Variants in EPB41L4A observed in about 807,000 individuals in gnomAD.
The protein encoded by EPB41L4A is erythrocyte membrane protein band 4.1 like 4A, also known as band 4.1-like protein 4A.
Under a neutral mutation model 108.6 loss-of-function variants are expected in EPB41L4A, and 100 were observed. The observed-to-expected ratio is 0.92, with a 90% CI of 0.78 to 1.09. The LOEUF is 1.09. Among genes scored for constraint, EPB41L4A ranks in the 50% least tolerant of loss-of-function variants. The pLI is 0.00. For missense variants in EPB41L4A, 1,030 were observed against 842.7 expected, an observed-to-expected ratio of 1.22 and a Z score of -2.75; for synonymous variants, 319 against 289.0, an observed-to-expected ratio of 1.10 and a Z score of -1.05.
intron 12 of EPB41L4A, among the ~76,000 whole-genome samples, chr5:112,219,577 C>T (rs71579180): frequency 0.055 from 8,321 of 152,138 alleles, 275 homozygotes; most frequent in Middle Eastern, 0.085. Context: ...CTTCCCATGA[C>T]CATAAAGCTC....
Position 112,288,317 on chromosome 5 carries a change from AAAAACTT to A in EPB41L4A, c.205-8001_205-7995del, listed in dbSNP as rs1178358690. 2.6e-5 allele frequency among the ~76,000 whole-genome samples: 4 copies of A among 152,328 alleles called. No individual in the cohort carries two copies. The East Asian group carries it at 5.8e-4, about 22-fold the overall frequency. On this transcript the variant is annotated intron_variant, in intron 2 of 22. Transcript: ENST00000261486. ...AAAGGTTGATTCATTAGAAATCCAC[AAAAACTT>A]TTAGAAGAATTATACCAGCTTGGGC...
intron 1 of EPB41L4A, among the ~76,000 whole-genome samples, chr5:112,396,996 C>A (rs1243557595): frequency 6.6e-6 from 1 of 152,082 alleles, no homozygotes; most frequent in East Asian, 1.9e-4. Flanking sequence ...GGGTATATTG[C>A]ATACCCATGG....
At chr5:112,335,350 CA>C (rs1324379713) in intron 1 of EPB41L4A, among the ~76,000 whole-genome samples, 3 of 152,048 alleles carry the variant, frequency 2.0e-5, no homozygotes, top group African/African-American at 7.2e-5. Flanking sequence ...ATCGATTTAA[CA>C]GAAAAAAAGT....
At chr5:112,290,933 A>T (rs1753600948) in intron 2 of EPB41L4A, among the ~76,000 whole-genome samples, 1 of 152,140 alleles carries the variant, frequency 6.6e-6, no homozygotes, top group South Asian at 2.1e-4. Context: ...TGCACACTGC[A>T]GCCTTGCCCC....
chr5:112,322,739 C>A (rs967224781), intron 1 of EPB41L4A, among the ~76,000 whole-genome samples: 1 of 151,434 alleles, frequency 6.6e-6, no homozygotes, highest in African/African-American at 2.4e-5. Flanking sequence ...CACACACACA[C>A]CCCACACACA....
intron 12 of EPB41L4A, among the ~76,000 whole-genome samples, chr5:112,233,403 G>A (rs1749098547): frequency 6.6e-6 from 1 of 152,184 alleles, no homozygotes; most frequent in Non-Finnish European, 1.5e-5. Flanking sequence ...AACTTTGTAT[G>A]TGTCTACACA....
chr5:112,203,043 C>T (rs1762292079), intron 15 of EPB41L4A, among the ~76,000 whole-genome samples: 1 of 151,662 alleles, frequency 6.6e-6, no homozygotes, highest in African/African-American at 2.4e-5. Context: ...CCCATCTCTA[C>T]TTTAATTTAT....
intron 10 of EPB41L4A, 111 bp downstream of exon 10, chr5:112,240,604 AAATT>A (rs1321855901): frequency 1.6e-6 from 1 of 607,648 alleles, no homozygotes; most frequent in East Asian, 3.1e-5. Context: ...GGAATTGAGA[AAATT>A]AATAAAAGGG....
intron 2 of EPB41L4A, among the ~76,000 whole-genome samples, chr5:112,303,346 A>G (rs1311375925): frequency 6.6e-6 from 1 of 152,176 alleles, no homozygotes; most frequent in African/African-American, 2.4e-5. Flanking sequence ...GGGGCAGGGA[A>G]GAGAATACAA....
chr5:112,294,263 A>G (rs1210931922), intron 2 of EPB41L4A, among the ~76,000 whole-genome samples: 1 of 152,138 alleles, frequency 6.6e-6, no homozygotes, highest in African/African-American at 2.4e-5. Context: ...CTTTCATAAG[A>G]GAAGGAGGGA....
chr5:112,206,052 G>A (rs1762456938), intron 13 of EPB41L4A: 1 of 152,980 alleles, frequency 6.5e-6, no homozygotes. Flanking sequence ...TCCTGACCTA[G>A]TATCATCTTT....
At chr5:112,283,421 A>G (rs1189180035) in intron 2 of EPB41L4A, among the ~76,000 whole-genome samples, 2 of 152,232 alleles carry the variant, frequency 1.3e-5, no homozygotes, top group African/African-American at 4.8e-5. Context: ...TTGGAACCAA[A>G]GCAGCCATGC....
At position 112,380,783 on chromosome 5, in the gene EPB41L4A, T is replaced by TCACA. The variant is rs1369682818; in HGVS notation, c.99+38154_99+38157dup. 2.5e-3 allele frequency among the ~76,000 whole-genome samples: 302 copies of TCACA among 120,170 alleles called. 3 individuals are homozygous for TCACA. Among genetic ancestry groups the TCACA allele is most frequent in the East Asian group, 0.012 (56 of 4,568 alleles). The allele number at this position is 120,170 out of a possible 152,430, so 78.8% of individuals were successfully genotyped here. On this transcript the variant is annotated intron_variant, in intron 1 of 22. Transcript: ENST00000261486. The stretch of plus-strand genomic sequence containing the variant: ...AAAAGAGAAACCCATCCTCTGCACA[T>TCACA]CACACACATACACACACACACACAC...
rs57067926 is a variant in EPB41L4A at position 112,288,273 on chromosome 5, T to C, written c.205-7950A>G. Among the ~76,000 whole-genome samples, 1,516 of 152,296 alleles carry C rather than the reference T, an allele frequency of 1.0e-2. 30 individuals carry two copies. The highest frequency in any genetic ancestry group is 0.034 in the African/African-American group (1,424 of 41,560). On this transcript the variant is annotated intron_variant, in intron 2 of 22. Transcript: ENST00000261486. ...CCAGAGCAATCTGTGGGTGCTGCCT[T>C]TGTCTAATAAAGTTAATTAAAGGTT...
rs369267811 is a variant in EPB41L4A, at chr5:112,299,599, G to A, written c.204+7787C>T. Among the ~76,000 whole-genome samples, 3 of 152,318 alleles carry A rather than the reference G, an allele frequency of 2.0e-5. No homozygotes were observed. The East Asian group carries it at 5.8e-4, about 29-fold the overall frequency. ...GCAGGTAGATCACCTGAGTTCAGGAGTTTGAGACCAGCCTGGCCAACATGG... is the reference window on the plus strand; with the variant it reads ...GCAGGTAGATCACCTGAGTTCAGGAATTTGAGACCAGCCTGGCCAACATGG... On this transcript the variant is annotated intron_variant, in intron 2 of 22. Transcript: ENST00000261486.
chr5:112,240,529 T>C (rs1241708703), intron 10 of EPB41L4A, among the ~76,000 whole-genome samples, 190 bp downstream of exon 10: 2 of 152,190 alleles, frequency 1.3e-5, no homozygotes, highest in Non-Finnish European at 2.9e-5. Context: ...TAAGTGCCTA[T>C]GTGTATATAT....
chr5:112,321,397 T>C (rs1375355664), intron 1 of EPB41L4A, among the ~76,000 whole-genome samples: 1 of 152,234 alleles, frequency 6.6e-6, no homozygotes, highest in Non-Finnish European at 1.5e-5. Flanking sequence ...CCGGTACTTA[T>C]TTCCCCACAG....
chr5:112,172,841 A>G (rs957255113), intron 18 of EPB41L4A, among the ~76,000 whole-genome samples: 1 of 152,176 alleles, frequency 6.6e-6, no homozygotes, highest in Non-Finnish European at 1.5e-5. Flanking sequence ...GATAGTGGGC[A>G]TATCAGCTTC....
At chr5:112,215,638 C>T (rs901401102) in intron 12 of EPB41L4A, among the ~76,000 whole-genome samples, 1 of 151,808 alleles carries the variant, frequency 6.6e-6, no homozygotes, top group Admixed American at 6.6e-5. Flanking sequence ...TGGCAGGTGC[C>T]TGTGGTCCCA....
Sources: allele counts gnomAD v4.1 joint callset (sites outside exome capture counted in the v4.1 genomes callset), GRCh38; gene constraint gnomAD v4.1.1; transcripts MANE v1.5; gene names NCBI Gene and HGNC (gene_info 2026-07-23, HGNC 2026-07-21).